Variants in UGGT1 observed in about 807,000 individuals in gnomAD.
The protein encoded by UGGT1 is UDP-glucose:glycoprotein glucosyltransferase 1.
Under a neutral mutation model 203.9 loss-of-function variants are expected in UGGT1, and 107 were observed. The observed-to-expected ratio is 0.52, with a 90% CI of 0.45 to 0.62. UGGT1 has a LOEUF of 0.62. Ranked by LOEUF, UGGT1 falls within the 20% of genes least tolerant of loss-of-function variation. The pLI is 0.00. For missense variants in UGGT1, 1,673 were observed against 1,867.2 expected, an observed-to-expected ratio of 0.90 and a Z score of 1.92; for synonymous variants, 628 against 653.5, an observed-to-expected ratio of 0.96 and a Z score of 0.59.
Position 128,159,394 on chromosome 2 carries a change from C to T in UGGT1, c.2356-120C>T, listed in dbSNP as rs577565794. On this transcript the variant is annotated intron_variant, in intron 22 of 40. Coordinates refer to ENST00000259253, the MANE Select transcript of UGGT1 (RefSeq NM_020120.4). ...GATTACAGGCATGAGCCACTGCGCC[C>T]GGCCTGAGACTTTTAAGAGAGATAT... 1.8e-4 allele frequency: 176 copies of T among 961,962 alleles called. No individual in the cohort carries two copies. The East Asian group carries it at 2.7e-3, about 15-fold the overall frequency. The allele number at this position is 961,962 out of a possible 1,614,324, so 59.6% of individuals were successfully genotyped here.
At chr2:128,092,184 T>TG (rs1274469927) in intron 1 of UGGT1, among the ~76,000 whole-genome samples, 2 of 151,850 alleles carry the variant, frequency 1.3e-5, no homozygotes, top group Non-Finnish European at 2.9e-5. Context: ...ACATTTTAAA[T>TG]AGCTATTTAA....
chr2:128,139,509 G>T (rs1013595954), intron 16 of UGGT1, among the ~76,000 whole-genome samples: 1 of 152,156 alleles, frequency 6.6e-6, no homozygotes, highest in African/African-American at 2.4e-5. Flanking sequence ...GTACACAGCT[G>T]GTATAGGCTT....
chr2:128,105,892 T>TGA (rs56859696), intron 3 of UGGT1, among the ~76,000 whole-genome samples: 136,825 of 152,010 alleles, frequency 0.9, 62,360 homozygotes, highest in Non-Finnish European at 0.98. Flanking sequence ...CTTGAACTCC[T>TGA]GCTCAAGCAG....
chr2:128,182,310 C>G lies in UGGT1; in HGVS notation c.4244+20C>G. Reference sequence around the variant, plus strand: ...TATCAGGTACTGAAAAGAAGCACTCCTAACACTGTTACGGGGTTTTCCTTA... The same window carrying G: ...TATCAGGTACTGAAAAGAAGCACTCGTAACACTGTTACGGGGTTTTCCTTA... On this transcript the variant is annotated intron_variant, in intron 37 of 40. Transcript: ENST00000259253. 1.3e-6 allele frequency: 2 copies of G among 1,597,264 alleles called. No individual in the cohort carries two copies. Among genetic ancestry groups the G allele is most frequent in the South Asian group, 1.1e-5 (1 of 88,360 alleles).
At chr2:128,160,857 A>C (rs753826510) in intron 24 of UGGT1, among the ~76,000 whole-genome samples, 3 of 152,208 alleles carry the variant, frequency 2.0e-5, no homozygotes, top group Non-Finnish European at 4.4e-5. Context: ...TTGACACATA[A>C]AGTAGCCTTT....
chr2:128,186,820 T>G, intron 39 of UGGT1, 21 bp downstream of exon 39: 1 of 1,558,156 alleles, frequency 6.4e-7, no homozygotes. Flanking sequence ...TGTGGTGTGC[T>G]TCTGCATGTT....
intron 36 of UGGT1, among the ~76,000 whole-genome samples, chr2:128,181,298 G>A (rs754281621): frequency 6.6e-6 from 1 of 152,132 alleles, no homozygotes; most frequent in African/African-American, 2.4e-5. Context: ...GACATAATGT[G>A]TGCAGTTTTG....
chr2:128,110,722 T>G (rs1335796977), intron 5 of UGGT1, among the ~76,000 whole-genome samples: 2 of 152,220 alleles, frequency 1.3e-5, no homozygotes, highest in African/African-American at 4.8e-5. Flanking sequence ...TTCTATGGTT[T>G]TAAATTTATA....
chr2:128,160,385 T>C, intron 23 of UGGT1, 75 bp from the exon 24 acceptor site: 2 of 1,445,748 alleles, frequency 1.4e-6, no homozygotes, highest in South Asian at 3.0e-5. Context: ...TTTTATGGTT[T>C]ATTCACTGTG....
In UGGT1 at chr2:128,192,434, TG is replaced by T. The variant is rs1240544213; in HGVS notation, c.*2693del. ...AGAAGTAAGAATTGATTGTGCTGAA[TG>T]TTCAAACTCTGGAAACTGTTCACAG... On this transcript the variant is annotated 3_prime_UTR_variant, in exon 41 of 41. Coordinates refer to ENST00000259253, the MANE Select transcript of UGGT1 (RefSeq NM_020120.4). The T allele has an allele frequency of 6.6e-6, 1 of 152,248 alleles. No homozygotes were observed. Among genetic ancestry groups the T allele is most frequent in the African/African-American group, 2.4e-5 (1 of 41,464 alleles). 9.4% of individuals were successfully genotyped at this position (152,248 alleles called of 1,614,324 possible). A position where few individuals can be genotyped will look rare whatever the true frequency, so the allele number is the denominator to read the frequency against.
intron 25 of UGGT1, 36 bp downstream of exon 25, chr2:128,161,304 A>T (rs752827843): frequency 6.2e-7 from 1 of 1,604,650 alleles, no homozygotes; most frequent in Non-Finnish European, 8.5e-7. Flanking sequence ...CAGGGGTTAT[A>T]TAATTGGACT....
intron 6 of UGGT1, among the ~76,000 whole-genome samples, 191 bp from the exon 7 acceptor site, chr2:128,114,933 G>T (rs1198133891): frequency 6.6e-6 from 1 of 152,016 alleles, no homozygotes; most frequent in Non-Finnish European, 1.5e-5. Flanking sequence ...GGTAGGTTTT[G>T]GACTAAAAAA....
chr2:128,097,471 T>G lies in UGGT1; in HGVS notation c.101T>G (p.Leu34Arg). The G allele has an allele frequency of 6.2e-7, 1 of 1,614,236 alleles. No homozygotes were observed. The highest frequency in any genetic ancestry group is 8.5e-7 in the Non-Finnish European group (1 of 1,180,038). ...GGAGTTCTGGTTGTACTCACTGTTC[T>G]GTGGCTGTTCTCCTCAGTAAAGGCC... ...KMGVLVVLTVLWLFSSVKADS... is the reference protein window; with the variant it reads ...KMGVLVVLTVRWLFSSVKADS... The change falls in exon 2 of 41, where the codon CTG becomes CGG. Residue 34 changes from leucine to arginine, a missense_variant. Leu to Arg is a moderately radical substitution (Grantham distance 102). This residue lies in a region of UGGT1 where 83 missense variants were observed against 87.2 expected (regional missense o/e 0.95). Transcript: ENST00000259253.
intron 2 of UGGT1, 36 bp downstream of exon 2, chr2:128,097,600 GT>G (rs776041588): frequency 4.3e-6 from 7 of 1,610,694 alleles, no homozygotes; most frequent in Non-Finnish European, 5.9e-6. Flanking sequence ...GTGTATTTGA[GT>G]ATAAATATAG....
At chr2:128,158,046 C>A (rs1232551136) in intron 22 of UGGT1, among the ~76,000 whole-genome samples, 1 of 152,066 alleles carries the variant, frequency 6.6e-6, no homozygotes, top group African/African-American at 2.4e-5. Context: ...ACTCATATGC[C>A]GAGTTCCTTT....
intron 3 of UGGT1, among the ~76,000 whole-genome samples, chr2:128,104,303 A>G (rs1467472499): frequency 1.3e-5 from 2 of 152,170 alleles, no homozygotes; most frequent in Non-Finnish European, 2.9e-5. Context: ...AGTACATTTC[A>G]TTTTAAATCA....
Position 128,120,403 on chromosome 2 carries a change from A to G in UGGT1, c.920A>G (p.His307Arg). 6.2e-7 allele frequency: 1 copy of G among 1,614,134 alleles called. No homozygotes were observed. The highest frequency in any genetic ancestry group is 8.5e-7 in the Non-Finnish European group (1 of 1,179,994). ...LEGQLKELRKHLVESTNEMAP... is the reference protein window; with the variant it reads ...LEGQLKELRKRLVESTNEMAP... The stretch of plus-strand genomic sequence containing the variant: ...GGACAGTTGAAAGAACTCAGAAAGC[A>G]TCTTGTAGAGAGCACCAATGAAATG... The change falls in exon 9 of 41, where the codon CAT becomes CGT. Residue 307 changes from histidine (H) to arginine (R), a missense_variant. His to Arg is a conservative substitution (Grantham distance 29, BLOSUM62 0). This residue lies in a region of UGGT1 where 1,073 missense variants were observed against 1,078.7 expected (regional missense o/e 0.99). Coordinates refer to ENST00000259253, the MANE Select transcript of UGGT1 (RefSeq NM_020120.4).
intron 34 of UGGT1, 82 bp from the exon 35 acceptor site, chr2:128,179,704 G>T: frequency 1.7e-6 from 2 of 1,166,148 alleles, no homozygotes; most frequent in Non-Finnish European, 2.5e-6. Context: ...GAGCATTTAG[G>T]TGTCTCGTGA....
Position 128,116,269 on chromosome 2 carries a change from T to G in UGGT1, c.798T>G (p.Thr266=), listed in dbSNP as rs766168895. ...KAKDDTQVKG[T]EVNTTVIGEN... is the part of the protein sequence containing the mutation. ...GTATTTTCTATTCTTTCATAGGAAC[T>G]GAGGTAAACACCACAGTGATTGGTG... Residue 266 remains threonine, a synonymous_variant, in exon 8 of 41, where the codon ACT becomes ACG. Transcript: ENST00000259253. 6.2e-7 allele frequency: 1 copy of G among 1,600,650 alleles called. No individual in the cohort carries two copies. The highest frequency in any genetic ancestry group is 1.1e-5 in the South Asian group (1 of 90,076).
Sources: allele counts gnomAD v4.1 joint callset (sites outside exome capture counted in the v4.1 genomes callset), GRCh38; gene constraint gnomAD v4.1.1; regional missense constraint gnomAD v4.1.1; transcripts MANE v1.5; gene names NCBI Gene and HGNC (gene_info 2026-07-23, HGNC 2026-07-21).